The following SELP variants were observed in gnomAD, a reference collection of about 807,000 sequenced individuals.
SELP encodes selectin P.
In SELP, 92 loss-of-function variants were observed where a neutral mutation model predicts 104.1. The ratio of observed to expected loss-of-function variants is 0.88; its 90% CI spans 0.75 to 1.05. The LOEUF is 1.05. Among genes scored for constraint, SELP ranks in the 50% least tolerant of loss-of-function variants. The probability of loss-of-function intolerance (pLI) is 0.00; values close to 1 mark genes in which losing one functional copy is unlikely to be tolerated. For missense variants in SELP, 1,022 were observed against 1,017.3 expected, an observed-to-expected ratio of 1.00 and a Z score of -0.06; for synonymous variants, 397 against 364.5, an observed-to-expected ratio of 1.09 and a Z score of -1.01.
rs541533257 is a variant in SELP at position 169,592,369 on chromosome 1, A to G, written c.2408-913T>C. On this transcript the variant is annotated intron_variant, in intron 14 of 16. Transcript: ENST00000263686. ...ACGTGGTTTTGCCTCTGAGCAGTTA[A>G]GAATAGGTGTTGAGACCTATGTCAA... is the stretch of plus-strand genomic sequence containing the variant. Among the ~76,000 whole-genome samples, 6 of 152,332 alleles carry G rather than the reference A, an allele frequency of 3.9e-5. No individual in the cohort carries two copies. The East Asian group carries it at 1.2e-3, about 29-fold the overall frequency.
intron 14 of SELP, 58 bp downstream of exon 14, chr1:169,593,547 A>T: frequency 1.3e-6 from 2 of 1,535,272 alleles, no homozygotes; most frequent in South Asian, 2.3e-5. Flanking sequence ...AATTACATAA[A>T]TCAATTTCTT....
intron 3 of SELP, among the ~76,000 whole-genome samples, chr1:169,615,002 A>AGG (rs1557966785): frequency 6.6e-6 from 1 of 152,146 alleles, no homozygotes; most frequent in Admixed American, 6.5e-5. Context: ...TCAGAACTCT[A>AGG]GGGGAAAAAA....
intron 1 of SELP, among the ~76,000 whole-genome samples, chr1:169,625,531 G>C (rs542338970): frequency 6.6e-6 from 1 of 152,284 alleles, no homozygotes; most frequent in Admixed American, 6.5e-5. Flanking sequence ...CAACAAACAT[G>C]TGAGCATACA....
At chr1:169,628,849 G>A (rs1663500487) in intron 1 of SELP, among the ~76,000 whole-genome samples, 1 of 152,130 alleles carries the variant, frequency 6.6e-6, no homozygotes, top group South Asian at 2.1e-4. Context: ...AGGTCATTGT[G>A]GTTCAAACTT....
intron 1 of SELP, among the ~76,000 whole-genome samples, chr1:169,621,652 T>C (rs768908535): frequency 6.6e-6 from 1 of 152,128 alleles, no homozygotes; most frequent in African/African-American, 2.4e-5. Context: ...GAGAGTAGAG[T>C]TATCTCATAA....
At chr1:169,613,502 G>T (rs1662650514) in intron 4 of SELP, 84 bp downstream of exon 4, 5 of 1,046,088 alleles carry the variant, frequency 4.8e-6, no homozygotes, top group Non-Finnish European at 7.4e-6. Flanking sequence ...ATTCTCACTG[G>T]AGAGACTTCA....
chr1:169,603,303 C>CTGTGTGTGTGTGTGTG (rs1456565599), intron 9 of SELP, 92 bp from the exon 10 acceptor site: 18 of 694,624 alleles, frequency 2.6e-5, no homozygotes, highest in Admixed American at 7.8e-5. Flanking sequence ...CTCCCTCTCT[C>CTGTGTGTGTGTGTGTG]TCTCTGTGTG....
chr1:169,592,396 A>G (rs1661393989), intron 14 of SELP, among the ~76,000 whole-genome samples: 1 of 152,238 alleles, frequency 6.6e-6, no homozygotes, highest in African/African-American at 2.4e-5. Context: ...CTATGTCAAC[A>G]ATAGAGAAAT....
intron 1 of SELP, among the ~76,000 whole-genome samples, chr1:169,624,045 T>G (rs191193124): frequency 2.3e-3 from 350 of 152,350 alleles, no homozygotes; most frequent in African/African-American, 8.2e-3. Flanking sequence ...ACCTACTAAG[T>G]CTGTCCATGT....
In SELP at chr1:169,597,116, C is replaced by A. The variant is rs377077070; in HGVS notation, c.1766G>T (p.Arg589Leu). 1.2e-6 allele frequency: 2 copies of A among 1,612,870 alleles called. No individual in the cohort carries two copies. The highest frequency in any genetic ancestry group is 8.5e-7 in the Non-Finnish European group (1 of 1,179,438). Reference sequence around the variant, plus strand: ...GGTGGAGCCAACATTGAATTCTCCACGAGTGTCAGAACAATCCAGGCTGCC... The same window carrying A: ...GGTGGAGCCAACATTGAATTCTCCAAGAGTGTCAGAACAATCCAGGCTGCC... The part of the protein sequence containing the change: ...EQGSLDCSDT[R>L]GEFNVGSTCH... The change falls in exon 11 of 17, where the codon CGT becomes CTT. Residue 589 changes from arginine (R) to leucine (L), a missense_variant. Transcript: ENST00000263686.
intron 12 of SELP, among the ~76,000 whole-genome samples, chr1:169,595,114 G>A (rs375177764): frequency 1.5e-4 from 23 of 152,108 alleles, no homozygotes; most frequent in East Asian, 5.8e-4. Context: ...AGTAGCATCC[G>A]ACAAATACCT....
rs3035296 is a variant in SELP at position 169,603,307 on chromosome 1, C to CTGTGTGTG, written c.1520-104_1520-97dup. 8.2e-3 allele frequency: 4,963 copies of CTGTGTGTG among 604,480 alleles called. 83 individuals are homozygous for CTGTGTGTG. The highest frequency in any genetic ancestry group is 0.053 in the African/African-American group (2,435 of 45,586). The allele number at this position is 604,480 out of a possible 1,614,324, so 37.4% of individuals were successfully genotyped here. A position where few individuals can be genotyped will look rare whatever the true frequency, so the allele number is the denominator to read the frequency against. On this transcript the variant is annotated intron_variant, in intron 9 of 16. Transcript: ENST00000263686. The stretch of plus-strand genomic sequence containing the variant: ...TCTCTCTCTTTCTCCCTCTCTCTCT[C>CTGTGTGTG]TGTGTGTGTGTGTGTGTGTGTGTGT...
At chr1:169,615,370 T>C (rs990342050) in intron 3 of SELP, among the ~76,000 whole-genome samples, 7 of 152,234 alleles carry the variant, frequency 4.6e-5, no homozygotes, top group African/African-American at 1.2e-4. Flanking sequence ...GGTAAAGTTG[T>C]ATTAATTAGT....
Position 169,613,017 on chromosome 1 carries a change from G to A in SELP, c.687C>T (p.His229=). ...NFSFNSQCSF[H]CTDGYQVNGP... Reference sequence around the variant, plus strand: ...CATTTACTTGGTACCCGTCAGTGCAGTGGAAGCTGCACTGCGAGTTAAAAG... The same window carrying A: ...CATTTACTTGGTACCCGTCAGTGCAATGGAAGCTGCACTGCGAGTTAAAAG... Residue 229 remains histidine (H), a synonymous_variant, in exon 5 of 17, where the codon CAC becomes CAT. Transcript: ENST00000263686. 1 of 1,614,018 alleles carries A rather than the reference G, an allele frequency of 6.2e-7. No homozygotes were observed. Among genetic ancestry groups the A allele is most frequent in the Non-Finnish European group, 8.5e-7 (1 of 1,179,900 alleles).
At chr1:169,624,761 C>CA (rs1015067390) in intron 1 of SELP, among the ~76,000 whole-genome samples, 16 of 151,878 alleles carry the variant, frequency 1.1e-4, no homozygotes, top group African/African-American at 3.6e-4. Flanking sequence ...AACAAACAAG[C>CA]AAAAAAACTA....
rs3917706 is a variant in SELP, at chr1:169,616,190, C to T, written c.481+838G>A. 5.1e-3 allele frequency among the ~76,000 whole-genome samples: 781 copies of T among 152,278 alleles called. 11 individuals carry two copies. Among genetic ancestry groups the T allele is most frequent in the African/African-American group, 0.012 (497 of 41,562 alleles). On this transcript the variant is annotated intron_variant, in intron 3 of 16. Coordinates refer to ENST00000263686, the MANE Select transcript of SELP (RefSeq NM_003005.4). ...TCAATTACTTCTTTCCTTTCCTGCC[C>T]ACTCCCCACCACTACCCTCCCACCA...
chr1:169,615,421 T>C (rs1434323448), intron 3 of SELP, among the ~76,000 whole-genome samples: 2 of 152,194 alleles, frequency 1.3e-5, no homozygotes, highest in African/African-American at 4.8e-5. Context: ...AGTGTCATCA[T>C]TTATGCCAGT....
Position 169,612,108 on chromosome 1 carries a change from A to C in SELP, c.961+109T>G, listed in dbSNP as rs576790615. The C allele has an allele frequency of 2.5e-5, 27 of 1,088,794 alleles. No individual in the cohort carries two copies. In the East Asian group the frequency reaches 5.8e-4, roughly 23 times the overall value. The allele number at this position is 1,088,794 out of a possible 1,614,324, so 67.4% of individuals were successfully genotyped here. On this transcript the variant is annotated intron_variant, in intron 6 of 16. Coordinates refer to ENST00000263686, the MANE Select transcript of SELP (RefSeq NM_003005.4). ...TGAATGGCAGGTAGGAAGAGAATTA[A>C]ATTTTGGCAATTCAGGCCAGCTTCT...
At chr1:169,601,017 C>A (rs755299556) in intron 10 of SELP, among the ~76,000 whole-genome samples, 6 of 152,124 alleles carry the variant, frequency 3.9e-5, no homozygotes, top group Non-Finnish European at 5.9e-5. Context: ...GAAGCAAGGG[C>A]TTTAGAGATT....
Sources: allele counts gnomAD v4.1 joint callset (sites outside exome capture counted in the v4.1 genomes callset), GRCh38; gene constraint gnomAD v4.1.1; transcripts MANE v1.5; gene names NCBI Gene and HGNC (gene_info 2026-07-23, HGNC 2026-07-21).